Variants in TMEM132C observed in about 807,000 individuals in gnomAD.
TMEM132C encodes protein phosphatase 1, regulatory subunit 152.
A neutral mutation model predicts 61.4 loss-of-function variants in TMEM132C; 29 were observed. That is an observed-to-expected ratio of 0.47 (90% CI 0.35 to 0.64). The LOEUF is 0.64. Ranked by LOEUF, TMEM132C falls within the 30% of genes least tolerant of loss-of-function variation. The probability of loss-of-function intolerance (pLI) is 0.00; values close to 1 mark genes in which losing one functional copy is unlikely to be tolerated. For missense variants in TMEM132C, 1,408 were observed against 1,476.9 expected, an observed-to-expected ratio of 0.95 and a Z score of 0.76; for synonymous variants, 656 against 633.1, an observed-to-expected ratio of 1.04 and a Z score of -0.54.
In TMEM132C at chr12:128,622,355, AAAAAAATATATATATATATATATAT is replaced by A. The variant is rs1341438994; in HGVS notation, c.1305+6022_1305+6046del. ...TGAGACTTTGTCTCAAAAAAAAAAA[AAAAAAATATATATATATATATATAT>A]ATATATATATATATATATATAACCA... is the stretch of plus-strand genomic sequence containing the variant. On this transcript the variant is annotated intron_variant, in intron 4 of 8. Transcript: ENST00000435159. 6.2e-4 allele frequency among the ~76,000 whole-genome samples: 39 copies of A among 62,790 alleles called. 2 individuals are homozygous for A. Among genetic ancestry groups the A allele is most frequent in the African/African-American group, 3.5e-3 (38 of 10,784 alleles). The allele number at this position is 62,790 out of a possible 152,430, so 41.2% of individuals were successfully genotyped here.
At chr12:128,297,124 G>A (rs1871438397) in intron 1 of TMEM132C, among the ~76,000 whole-genome samples, 1 of 152,116 alleles carries the variant, frequency 6.6e-6, no homozygotes, top group African/African-American at 2.4e-5. Context: ...ATAGAAAGCA[G>A]CAAGGGTCTG....
chr12:128,390,378 C>A (rs779215560), intron 1 of TMEM132C, among the ~76,000 whole-genome samples: 8 of 151,956 alleles, frequency 5.3e-5, no homozygotes, highest in Non-Finnish European at 4.4e-5. Flanking sequence ...CTAGAGGTGC[C>A]CATGTACCTT....
chr12:128,451,344 G>A (rs1284270556), intron 2 of TMEM132C, among the ~76,000 whole-genome samples: 1 of 152,156 alleles, frequency 6.6e-6, no homozygotes, highest in East Asian at 1.9e-4. Context: ...AAAGACACAA[G>A]CATCTACAGC....
intron 2 of TMEM132C, among the ~76,000 whole-genome samples, chr12:128,454,699 G>A (rs1480818363): frequency 6.6e-6 from 1 of 152,208 alleles, no homozygotes; most frequent in Non-Finnish European, 1.5e-5. Context: ...TGGATGCTGA[G>A]CTGGACTTTC....
chr12:128,555,443 C>A lies in TMEM132C; in HGVS notation c.1121+11340C>A, dbSNP rs543263900. Among the ~76,000 whole-genome samples the A allele has an allele frequency of 3.9e-5, 6 of 152,336 alleles. No homozygotes were observed. In the South Asian group the frequency reaches 1.0e-3, roughly 26 times the overall value. ...ACTACCACAAATTAAAATCTCCCAACCAATGGCATAAACTTACATTTTGGG... is the reference window on the plus strand; with the variant it reads ...ACTACCACAAATTAAAATCTCCCAAACAATGGCATAAACTTACATTTTGGG... On this transcript the variant is annotated intron_variant, in intron 3 of 8. Transcript: ENST00000435159.
chr12:128,427,626 G>A (rs529525195), intron 2 of TMEM132C, among the ~76,000 whole-genome samples: 6 of 151,952 alleles, frequency 3.9e-5, no homozygotes, highest in South Asian at 2.1e-4. Context: ...CCAAGCTCTC[G>A]ATACTCCATC....
intron 1 of TMEM132C, among the ~76,000 whole-genome samples, chr12:128,329,409 T>C (rs902807514): frequency 1.3e-5 from 2 of 152,190 alleles, no homozygotes; most frequent in African/African-American, 4.8e-5. Context: ...CAAAGCCTTC[T>C]GGCCATTTGT....
chr12:128,617,634 G>GTGGGACAGGTGTGGAATCAGA (rs1876855056), intron 4 of TMEM132C, among the ~76,000 whole-genome samples: 8 of 151,724 alleles, frequency 5.3e-5, no homozygotes, highest in African/African-American at 1.2e-4. Context: ...GTGGAATCAG[G>GTGGGACAGGTGTGGAATCAGA]TGGGGCAGGT....
chr12:128,511,528 G>T (rs1323860835), intron 2 of TMEM132C, among the ~76,000 whole-genome samples: 2 of 152,218 alleles, frequency 1.3e-5, no homozygotes, highest in African/African-American at 4.8e-5. Flanking sequence ...AGCATGTGGG[G>T]CAGAGTCCAA....
Position 128,335,958 on chromosome 12 carries a change from T to C in TMEM132C, c.85+68471T>C, listed in dbSNP as rs923014669. On this transcript the variant is annotated intron_variant, in intron 1 of 8. Coordinates refer to ENST00000435159, the MANE Select transcript of TMEM132C (RefSeq NM_001136103.3). Reference sequence around the variant, plus strand: ...ATATTCTTAAAGATCTAATCCTTAATTATTCACAGTCCTTTATCCCAGCTC... The same window carrying C: ...ATATTCTTAAAGATCTAATCCTTAACTATTCACAGTCCTTTATCCCAGCTC... Among the ~76,000 whole-genome samples the C allele has an allele frequency of 1.4e-4, 21 of 151,888 alleles. 1 individual carries two copies. The highest frequency in any genetic ancestry group is 4.1e-4 in the African/African-American group (17 of 41,300).
At chr12:128,491,843 G>A (rs1447048411) in intron 2 of TMEM132C, among the ~76,000 whole-genome samples, 1 of 145,090 alleles carries the variant, frequency 6.9e-6, no homozygotes, top group Non-Finnish European at 1.5e-5. Context: ...CTTTTTGGCT[G>A]TATCAGTTCT....
intron 2 of TMEM132C, among the ~76,000 whole-genome samples, chr12:128,474,648 T>A (rs1299888425): frequency 3.3e-5 from 5 of 152,312 alleles, no homozygotes; most frequent in Middle Eastern, 3.4e-3. Flanking sequence ...GAACGTTCAT[T>A]GAAGTGGAGA....
chr12:128,629,183 C>T (rs1346582394), intron 4 of TMEM132C, among the ~76,000 whole-genome samples: 14 of 152,084 alleles, frequency 9.2e-5, no homozygotes, highest in Non-Finnish European at 4.4e-5. Flanking sequence ...AAGTTCTATA[C>T]GTGGCCCTTT....
At chr12:128,612,071 A>G (rs900678191) in intron 3 of TMEM132C, among the ~76,000 whole-genome samples, 1 of 152,156 alleles carries the variant, frequency 6.6e-6, no homozygotes, top group Non-Finnish European at 1.5e-5. Context: ...AAATAAAGAG[A>G]CAAGGGCATT....
chr12:128,377,626 A>G (rs1002027746), intron 1 of TMEM132C, among the ~76,000 whole-genome samples: 4 of 152,198 alleles, frequency 2.6e-5, no homozygotes, highest in African/African-American at 9.7e-5. Context: ...TTTTGGTGAG[A>G]TGAATTCATA....
chr12:128,424,069 A>AAAAAAAAG (rs1267892355), intron 2 of TMEM132C, among the ~76,000 whole-genome samples: 1 of 149,162 alleles, frequency 6.7e-6, no homozygotes, highest in African/African-American at 2.5e-5. Context: ...AAAAAAAAAA[A>AAAAAAAAG]ACTTTGGGAG....
chr12:128,363,856 A>G (rs1216314621), intron 1 of TMEM132C, among the ~76,000 whole-genome samples: 1 of 151,398 alleles, frequency 6.6e-6, no homozygotes, highest in East Asian at 1.9e-4. Flanking sequence ...AAAAAAAAAA[A>G]AAAAAAAGAA....
At chr12:128,290,313 C>T (rs1017266780) in intron 1 of TMEM132C, among the ~76,000 whole-genome samples, 2 of 152,090 alleles carry the variant, frequency 1.3e-5, no homozygotes, top group African/African-American at 4.8e-5. Context: ...AAATGGGAAG[C>T]AAGGGACGTC....
intron 4 of TMEM132C, among the ~76,000 whole-genome samples, chr12:128,643,527 C>T (rs1954173713): frequency 6.6e-6 from 1 of 151,754 alleles, no homozygotes; most frequent in African/African-American, 2.4e-5. Flanking sequence ...GCTCAGCTGA[C>T]AGCATCACAC....
Sources: allele counts gnomAD v4.1 joint callset (sites outside exome capture counted in the v4.1 genomes callset), GRCh38; gene constraint gnomAD v4.1.1; transcripts MANE v1.5; gene names NCBI Gene and HGNC (gene_info 2026-07-23, HGNC 2026-07-21).